Variants in RBFOX1 observed in about 807,000 individuals in gnomAD.
RBFOX1 encodes RNA binding protein fox-1 homolog 1.
RBFOX1 carries 8 observed loss-of-function variants against 57.7 expected under a neutral mutation model. The ratio of observed to expected loss-of-function variants is 0.14; its 90% confidence interval spans 0.08 to 0.25. RBFOX1 has a LOEUF of 0.25. Among genes scored for constraint, RBFOX1 ranks in the 10% least tolerant of loss-of-function variants. The probability of loss-of-function intolerance (pLI) is 1.00; values close to 1 mark genes in which losing one functional copy is unlikely to be tolerated. For synonymous variants in RBFOX1, 326 were observed against 222.4 expected (o/e 1.47, Z -4.15); for missense variants, 611 against 548.5 (o/e 1.11, Z -1.14).
intron 1 of RBFOX1, among the ~76,000 whole-genome samples, chr16:6,280,657 G>C (rs879343457): frequency 6.6e-5 from 10 of 152,116 alleles, no homozygotes; most frequent in Non-Finnish European, 1.3e-4. Flanking sequence ...ATAGCCAGAA[G>C]TAATTAAGAT....
At chr16:5,321,930 C>G (rs1371656827) in intron 1 of RBFOX1, among the ~76,000 whole-genome samples, 1 of 152,160 alleles carries the variant, frequency 6.6e-6, no homozygotes, top group Non-Finnish European at 1.5e-5. Context: ...TTGCTCATTG[C>G]TCTCTTGCTA....
At chr16:6,734,755 A>G (rs1281665151) in intron 3 of RBFOX1, among the ~76,000 whole-genome samples, 2 of 152,150 alleles carry the variant, frequency 1.3e-5, no homozygotes, top group Non-Finnish European at 2.9e-5. Context: ...TTTTACCCCT[A>G]TCCAATCAGG....
chr16:6,085,852 G>A (rs1336917999), intron 1 of RBFOX1, among the ~76,000 whole-genome samples: 1 of 152,004 alleles, frequency 6.6e-6, no homozygotes, highest in Non-Finnish European at 1.5e-5. Context: ...TGGGATACAT[G>A]TGCCAAACAT....
At chr16:6,377,062 C>T in intron 2 of RBFOX1, among the ~76,000 whole-genome samples, 1 of 151,846 alleles carries the variant, frequency 6.6e-6, no homozygotes, top group East Asian at 1.9e-4. Context: ...ACTTTGAACT[C>T]AGGAGTTCGA....
intron 4 of RBFOX1, among the ~76,000 whole-genome samples, chr16:7,227,300 A>G (rs1193266389): frequency 2.0e-5 from 1 of 50,412 alleles, no homozygotes; most frequent in African/African-American, 3.8e-5. Flanking sequence ...ACCCCCACAC[A>G]CACACACAGC....
intron 7 of RBFOX1, 107 bp downstream of exon 7, chr16:7,587,407 C>A: frequency 8.5e-7 from 1 of 1,182,296 alleles, no homozygotes; most frequent in Non-Finnish European, 1.1e-6. Flanking sequence ...TGAAAATACA[C>A]TTCAGTGGGA....
At position 7,709,120 on chromosome 16, in the gene RBFOX1, G is replaced by C. The variant is rs138704494; in HGVS notation, c.1060G>C (p.Val354Leu). 14 of 1,613,014 alleles carry C rather than the reference G, an allele frequency of 8.7e-6. No individual in the cohort carries two copies. Among genetic ancestry groups the C allele is most frequent in the Admixed American group, 3.3e-5 (2 of 59,918 alleles). ...ACTTGCTCCAGCCCCCACCTACGGC[G>C]TTGGTGCCATGGTGAGTACAAGTTT... ...HALAPAPTYGVGAMNAFAPLT... is the reference protein window; with the variant it reads ...HALAPAPTYGLGAMNAFAPLT... Residue 354 changes from valine to leucine, a missense_variant, in exon 15 of 16, where the codon GTT becomes CTT. By Grantham distance (32) the Val-to-Leu change is conservative (BLOSUM62 1). This residue lies in a region of RBFOX1 where 267 missense variants were observed against 229.1 expected (regional missense o/e 1.17). Coordinates refer to ENST00000550418, the MANE Select transcript of RBFOX1 (RefSeq NM_018723.4).
At chr16:6,459,984 C>CAAAAATAAAAAAAAAAAAA (rs2094875369) in intron 2 of RBFOX1, among the ~76,000 whole-genome samples, 1 of 47,672 alleles carries the variant, frequency 2.1e-5, no homozygotes, top group African/African-American at 6.5e-5. Context: ...AACTCCATCT[C>CAAAAATAAAAAAAAAAAAA]AAAAAAAAAA....
At chr16:7,193,523 C>G (rs571789352) in intron 4 of RBFOX1, among the ~76,000 whole-genome samples, 1 of 152,212 alleles carries the variant, frequency 6.6e-6, no homozygotes, top group Non-Finnish European at 1.5e-5. Flanking sequence ...ATCAATATAA[C>G]TGCAAATGCT....
intron 3 of RBFOX1, among the ~76,000 whole-genome samples, chr16:6,716,218 A>T (rs2064791223): frequency 6.6e-6 from 1 of 152,208 alleles, no homozygotes; most frequent in Non-Finnish European, 1.5e-5. Context: ...AAAATGATGC[A>T]AGAAATTGCT....
At chr16:6,088,440 A>G (rs1032795952) in intron 1 of RBFOX1, among the ~76,000 whole-genome samples, 28 of 152,284 alleles carry the variant, frequency 1.8e-4, no homozygotes, top group African/African-American at 6.5e-4. Context: ...CCAAAGATGA[A>G]TAAACAAATT....
intron 10 of RBFOX1, among the ~76,000 whole-genome samples, chr16:7,615,268 G>T (rs977897267): frequency 1.3e-5 from 2 of 152,094 alleles, no homozygotes; most frequent in Non-Finnish European, 2.9e-5. Flanking sequence ...GGGAGGCGGA[G>T]CTTGCAGTGA....
At chr16:6,897,674 T>G (rs1378713862) in intron 3 of RBFOX1, among the ~76,000 whole-genome samples, 2 of 150,526 alleles carry the variant, frequency 1.3e-5, no homozygotes, top group African/African-American at 2.4e-5. Context: ...GTGTCTGTAA[T>G]CACAGCCAGT....
chr16:6,557,142 TATATACAC>T (rs1452836507), intron 2 of RBFOX1, among the ~76,000 whole-genome samples: 4 of 145,238 alleles, frequency 2.8e-5, no homozygotes, highest in African/African-American at 1.0e-4. Flanking sequence ...CATATATACA[TATATACAC>T]ACATATATAT....
chr16:7,266,803 G>C (rs945530966), intron 4 of RBFOX1, among the ~76,000 whole-genome samples: 9 of 152,182 alleles, frequency 5.9e-5, no homozygotes, highest in African/African-American at 2.2e-4. Flanking sequence ...ACCGATTACA[G>C]AGATGAACTG....
intron 1 of RBFOX1, among the ~76,000 whole-genome samples, chr16:6,299,812 G>A (rs940399114): frequency 1.3e-5 from 2 of 151,992 alleles, no homozygotes; most frequent in African/African-American, 4.8e-5. Context: ...AGTCTGTCGG[G>A]GTTCAGTTTC....
chr16:6,856,289 A>G (rs892774960), intron 3 of RBFOX1, among the ~76,000 whole-genome samples: 18 of 152,132 alleles, frequency 1.2e-4, no homozygotes, highest in Admixed American at 5.9e-4. Flanking sequence ...ATTGTTGAGT[A>G]TGATGATGTA....
At chr16:6,404,870 C>T (rs577917069) in intron 2 of RBFOX1, among the ~76,000 whole-genome samples, 15 of 152,296 alleles carry the variant, frequency 9.8e-5, no homozygotes, top group Non-Finnish European at 1.8e-4. Flanking sequence ...CTTAAACCTT[C>T]GTGGATCCCC....
chr16:5,650,511 T>A (rs1019747644), intron 3 of RBFOX1, among the ~76,000 whole-genome samples: 1 of 152,136 alleles, frequency 6.6e-6, no homozygotes, highest in Admixed American at 6.5e-5. Context: ...TGTGATTAGT[T>A]ATAGGAAAAT....
Sources: allele counts gnomAD v4.1 joint callset (sites outside exome capture counted in the v4.1 genomes callset), GRCh38; gene constraint gnomAD v4.1.1; regional missense constraint gnomAD v4.1.1; transcripts MANE v1.5; gene names NCBI Gene and HGNC (gene_info 2026-07-23, HGNC 2026-07-21).